The following TMEM11 variants were observed in gnomAD, a reference collection of about 807,000 sequenced individuals.
TMEM11 encodes the protein transmembrane protein 11, mitochondrial.
In TMEM11, 1 loss-of-function variant was observed where a neutral mutation model predicts 17.0. That is an observed-to-expected ratio of 0.06 (90% CI 0.02 to 0.28). The LOEUF (loss-of-function observed/expected upper bound fraction) is 0.28. TMEM11 is among the 10% of genes least tolerant of loss of function. The pLI is 1.00. For synonymous variants in TMEM11, 122 were observed against 118.1 expected, an observed-to-expected ratio of 1.03 and a Z score of -0.21; for missense variants, 172 against 252.9, an observed-to-expected ratio of 0.68 and a Z score of 2.17.
chr17:21,202,736 C>T (rs1300764046), intron 1 of TMEM11, among the ~76,000 whole-genome samples: 3 of 152,240 alleles, frequency 2.0e-5, no homozygotes, highest in African/African-American at 7.2e-5. Flanking sequence ...CTGCTGTTGC[C>T]AGGTGTGGCC....
intron 1 of TMEM11, chr17:21,213,543 AAGT>A (rs1975025856): frequency 6.5e-6 from 1 of 153,444 alleles, no homozygotes; most frequent in African/African-American, 2.4e-5. Flanking sequence ...TCCCTCGAGG[AAGT>A]GGCCGGCTCT....
intron 1 of TMEM11, among the ~76,000 whole-genome samples, chr17:21,202,161 C>A (rs1178063417): frequency 6.6e-6 from 1 of 152,198 alleles, no homozygotes; most frequent in African/African-American, 2.4e-5. Flanking sequence ...GGTCTCAAGT[C>A]CATCAGGCAA....
intron 1 of TMEM11, among the ~76,000 whole-genome samples, chr17:21,205,909 TGTTCCACC>T (rs1187703185): frequency 6.6e-6 from 1 of 152,166 alleles, no homozygotes; most frequent in Non-Finnish European, 1.5e-5. Flanking sequence ...GGCTCAGTAA[TGTTCCACC>T]GTATGCATAA....
rs1260611263 is a variant in TMEM11 at position 21,213,855 on chromosome 17, T to C, written c.62+236A>G. The C allele has an allele frequency of 8.0e-6, 4 of 503,132 alleles. No individual in the cohort carries two copies. The East Asian group carries it at 1.1e-4, about 14-fold the overall frequency. The allele number at this position is 503,132 out of a possible 1,614,324, so 31.2% of individuals were successfully genotyped here. On this transcript the variant is annotated intron_variant, in intron 1 of 1. Transcript: ENST00000317635. ...CTCGGGCCCCGCCCCGCATGGCCGC[T>C]GCCTACCTTACTCAGCCCGGCTAAC...
intron 1 of TMEM11, among the ~76,000 whole-genome samples, chr17:21,200,014 C>A (rs1382586573): frequency 1.3e-5 from 2 of 152,234 alleles, no homozygotes; most frequent in Admixed American, 1.3e-4. Flanking sequence ...GCATAAGAAA[C>A]ACTGCCACGG....
At chr17:21,213,710 C>G in intron 1 of TMEM11, 1 of 233,414 alleles carries the variant, frequency 4.3e-6, no homozygotes, top group Non-Finnish European at 8.4e-6. Context: ...GGGCCGCGGC[C>G]GAGATGGCCA....
chr17:21,211,149 C>T (rs1240016676), intron 1 of TMEM11: 1 of 1,289,822 alleles, frequency 7.8e-7, no homozygotes, highest in South Asian at 1.2e-5. Context: ...GTGCTCGTTG[C>T]CAGTGTGCTG....
chr17:21,203,961 CTTT>C (rs59460426), intron 1 of TMEM11, among the ~76,000 whole-genome samples: 106,146 of 124,436 alleles, frequency 0.85, 45,234 homozygotes, highest in Middle Eastern at 0.88. Flanking sequence ...TTTTTTTTTC[CTTT>C]TTTTTTTTTT....
chr17:21,203,342 G>A (rs1053222259), intron 1 of TMEM11, among the ~76,000 whole-genome samples: 1 of 152,182 alleles, frequency 6.6e-6, no homozygotes, highest in African/African-American at 2.4e-5. Flanking sequence ...GCAGACACAG[G>A]TTTTTTAGCT....
At chr17:21,213,719 C>G (rs1202770614) in intron 1 of TMEM11, 4 of 246,264 alleles carry the variant, frequency 1.6e-5, no homozygotes, top group Admixed American at 5.4e-5. Context: ...CCGAGATGGC[C>G]ACGCGCGTGC....
intron 1 of TMEM11, among the ~76,000 whole-genome samples, chr17:21,199,723 G>A (rs1450649557): frequency 6.6e-6 from 1 of 152,224 alleles, no homozygotes; most frequent in African/African-American, 2.4e-5. Flanking sequence ...TGGAGGCCAG[G>A]CTGCACAAGC....
chr17:21,208,111 G>A (rs1974963299), intron 1 of TMEM11, among the ~76,000 whole-genome samples: 2 of 150,622 alleles, frequency 1.3e-5, no homozygotes, highest in Non-Finnish European at 3.0e-5. Context: ...TCCTGCCTCA[G>A]CCTCCAGAGT....
At chr17:21,212,169 GTCTCCACCCATACCACGTTA>G (rs370284367) in intron 1 of TMEM11, among the ~76,000 whole-genome samples, 91 of 152,346 alleles carry the variant, frequency 6.0e-4, no homozygotes, top group African/African-American at 2.1e-3. Flanking sequence ...CAGACAGGTA[GTCTCCACCCATACCACGTTA>G]TCTAGGAGAG....
intron 1 of TMEM11, among the ~76,000 whole-genome samples, chr17:21,210,555 C>G (rs147497511): frequency 3.9e-4 from 60 of 152,318 alleles, no homozygotes; most frequent in African/African-American, 1.4e-3. Flanking sequence ...GGGAAGCTGT[C>G]ACCCCGGGAC....
rs758481099 is a variant in TMEM11, at chr17:21,198,836, T to C, written c.67A>G (p.Ser23Gly). 6.2e-7 allele frequency: 1 copy of C among 1,606,784 alleles called. No homozygotes were observed. Among genetic ancestry groups the C allele is most frequent in the Admixed American group, 1.7e-5 (1 of 59,754 alleles). The change falls in exon 2 of 2, where the codon AGC (serine) becomes GGC (glycine). Residue 23 changes from serine (S) to glycine (G), a missense_variant. Coordinates refer to ENST00000317635, the MANE Select transcript of TMEM11 (RefSeq NM_003876.3). This position sits in a 1 kb window ranked among gnomAD's most constrained non-coding sequence, Gnocchi z 6.5. ...SSGGSARERV[S>G]LSATDCYIVH... ...ATGTAGCAGTCTGTGGCCGACAAGC[T>C]CACCCTTTTGATGGAGGGGGCAGGA... is the stretch of plus-strand genomic sequence containing the variant.
intron 1 of TMEM11, among the ~76,000 whole-genome samples, chr17:21,201,816 CA>C (rs1469384161): frequency 6.6e-6 from 1 of 152,136 alleles, no homozygotes; most frequent in Non-Finnish European, 1.5e-5. Flanking sequence ...TTTTGTTGTA[CA>C]GATGGGGTTA....
chr17:21,210,051 G>A (rs866019874), intron 1 of TMEM11, among the ~76,000 whole-genome samples: 3 of 152,120 alleles, frequency 2.0e-5, no homozygotes, highest in African/African-American at 4.8e-5. Context: ...CCCGCACCTC[G>A]CTCATTGAAG....
At chr17:21,211,706 C>T (rs1469706381) in intron 1 of TMEM11, among the ~76,000 whole-genome samples, 2 of 152,216 alleles carry the variant, frequency 1.3e-5, no homozygotes, top group East Asian at 3.8e-4. Context: ...GCAAATCTGG[C>T]AAGTGTGCCC....
At chr17:21,206,605 C>T (rs1453163551) in intron 1 of TMEM11, among the ~76,000 whole-genome samples, 4 of 152,068 alleles carry the variant, frequency 2.6e-5, no homozygotes, top group African/African-American at 9.7e-5. Context: ...GGCACAATCT[C>T]GGAGCACTGC....
Sources: gnomAD v4.1 joint callset for allele counts (sites outside exome capture counted in the v4.1 genomes callset) on GRCh38, gnomAD v4.1.1 for gene constraint, Gnocchi (gnomAD v3.1) non-coding constraint, MANE v1.5 for transcripts, NCBI Gene and HGNC (gene_info 2026-07-23, HGNC 2026-07-21) for gene names.